The following HMCN1 variants were observed in gnomAD, a reference collection of about 807,000 sequenced individuals.
The protein encoded by HMCN1 is hemicentin-1.
In HMCN1, 321 loss-of-function variants were observed where a neutral mutation model predicts 625.9. The observed-to-expected ratio is 0.51, with a 90% confidence interval of 0.47 to 0.56. The LOEUF (loss-of-function observed/expected upper bound fraction) is 0.56, where lower values mean the gene tolerates loss of function less well. Ranked by LOEUF, HMCN1 falls within the 20% of genes least tolerant of loss-of-function variation. HMCN1 has a pLI of 0.00. For synonymous variants in HMCN1, 2,425 were observed against 2,417.6 expected, an observed-to-expected ratio of 1.00 and a Z score of -0.09; for missense variants, 6,588 against 6,887.3, an observed-to-expected ratio of 0.96 and a Z score of 1.54.
At chr1:186,177,441 C>T (rs929528686) in intron 103 of HMCN1, 3 of 152,348 alleles carry the variant, frequency 2.0e-5, no homozygotes, top group African/African-American at 7.2e-5. Flanking sequence ...AGGGGTCAGG[C>T]TGTTGGAGCA....
chr1:185,991,719 A>T (rs1011120770), intron 22 of HMCN1, among the ~76,000 whole-genome samples: 1 of 151,954 alleles, frequency 6.6e-6, no homozygotes, highest in Admixed American at 6.6e-5. Flanking sequence ...TTTTAAAAAA[A>T]AAAACAAGGC....
At chr1:185,843,787 C>CA (rs1415359660) in intron 1 of HMCN1, among the ~76,000 whole-genome samples, 2 of 152,012 alleles carry the variant, frequency 1.3e-5, no homozygotes, top group Non-Finnish European at 2.9e-5. Context: ...TTGTGGCTTG[C>CA]AAAAATGTTT....
intron 69 of HMCN1, 140 bp from the exon 70 acceptor site, chr1:186,106,744 G>T: frequency 1.4e-6 from 1 of 692,134 alleles, no homozygotes; most frequent in Non-Finnish European, 2.6e-6. Context: ...CTATCAGAGT[G>T]CTAATCGTAG....
chr1:185,808,974 T>C (rs1659342609), intron 1 of HMCN1, among the ~76,000 whole-genome samples: 1 of 152,176 alleles, frequency 6.6e-6, no homozygotes, highest in Admixed American at 6.5e-5. Context: ...TCAAGGTTAC[T>C]TTACCCACCC....
At chr1:186,113,930 C>A (rs373616928) in intron 72 of HMCN1, 49 bp from the exon 73 acceptor site, 33 of 1,597,544 alleles carry the variant, frequency 2.1e-5, no homozygotes, top group Non-Finnish European at 2.5e-5. Flanking sequence ...TTCATGCAGG[C>A]TGTATTATTT....
intron 1 of HMCN1, among the ~76,000 whole-genome samples, chr1:185,759,907 G>A (rs1037073250): frequency 3.9e-5 from 6 of 152,068 alleles, no homozygotes; most frequent in Admixed American, 2.0e-4. Context: ...AAATGATACC[G>A]AATGCACTGA....
At chr1:186,030,492 G>T (rs903857863) in intron 36 of HMCN1, among the ~76,000 whole-genome samples, 1 of 151,914 alleles carries the variant, frequency 6.6e-6, no homozygotes, top group Admixed American at 6.6e-5. Flanking sequence ...TGTGATGTTA[G>T]TATAGCCCCT....
chr1:186,087,450 A>G lies in HMCN1; in HGVS notation c.9168A>G (p.Pro3056=), dbSNP rs762440298. 6.2e-7 allele frequency: 1 copy of G among 1,613,144 alleles called. No individual in the cohort carries two copies. Among genetic ancestry groups the G allele is most frequent in the Non-Finnish European group, 8.5e-7 (1 of 1,179,404 alleles). ...KKFSLTVYVP[P]SIKDHDSESL... ...GTTATTTTCTTCCCTCAGTGCCCCC[A>G]AGCATTAAAGACCATGACAGTGAAT... The change falls in exon 60 of 107, where the codon CCA becomes CCG. Residue 3056 remains proline (P), a synonymous_variant. Transcript: ENST00000271588.
At chr1:185,915,442 C>T (rs1207202850) in intron 6 of HMCN1, among the ~76,000 whole-genome samples, 2 of 151,988 alleles carry the variant, frequency 1.3e-5, no homozygotes, top group African/African-American at 4.8e-5. Flanking sequence ...ATTGTCAGCA[C>T]CCAATGGGTT....
intron 66 of HMCN1, among the ~76,000 whole-genome samples, chr1:186,093,890 G>A (rs962371005): frequency 6.6e-6 from 1 of 151,856 alleles, no homozygotes; most frequent in Non-Finnish European, 1.5e-5. Flanking sequence ...GTGTAAAATG[G>A]TCTTTTATAG....
chr1:186,097,389 G>C (rs79412157), intron 68 of HMCN1, among the ~76,000 whole-genome samples: 1,930 of 152,078 alleles, frequency 0.013, 39 homozygotes, highest in African/African-American at 0.043. Flanking sequence ...AGGGCCAACT[G>C]TGTATCCATG....
chr1:186,108,495 G>A lies in HMCN1; in HGVS notation c.10887G>A (p.Arg3629=), dbSNP rs573100717. Residue 3629 remains arginine, a synonymous_variant, in exon 71 of 107, where the codon CGG becomes CGA. Transcript: ENST00000271588. Reference sequence around the variant, plus strand: ...ATATTGCTGGAACTGATGAGCCCCGGGATATCACTGTGTTACGGAACAGAC... The same window carrying A: ...ATATTGCTGGAACTGATGAGCCCCGAGATATCACTGTGTTACGGAACAGAC... ...PPNIAGTDEP[R]DITVLRNRQV... 2.5e-6 allele frequency: 4 copies of A among 1,614,084 alleles called. No homozygotes were observed. In the Admixed American group the frequency reaches 6.7e-5, roughly 27 times the overall value.
intron 1 of HMCN1, among the ~76,000 whole-genome samples, chr1:185,769,808 C>T (rs1309908103): frequency 2.6e-5 from 4 of 152,162 alleles, no homozygotes; most frequent in Non-Finnish European, 5.9e-5. Context: ...GCTGGGATTA[C>T]TTACTCCATT....
In HMCN1 at chr1:186,057,301, A is replaced by T. The variant is rs368757349; in HGVS notation, c.7212A>T (p.Val2404=). Residue 2404 remains valine (V), a synonymous_variant, in exon 46 of 107, where the codon GTA becomes GTT. Coordinates refer to ENST00000271588, the MANE Select transcript of HMCN1 (RefSeq NM_031935.3). ...ENISVVEKNS[V]SLTCEASGIP... Reference sequence around the variant, plus strand: ...TTAGTGTGGTAGAAAAGAACTCAGTATCTTTGACTTGTGAAGCTTCTGGAA... The same window carrying T: ...TTAGTGTGGTAGAAAAGAACTCAGTTTCTTTGACTTGTGAAGCTTCTGGAA... The T allele has an allele frequency of 1.2e-6, 2 of 1,610,632 alleles. No homozygotes were observed. The highest frequency in any genetic ancestry group is 4.5e-5 in the East Asian group (2 of 44,792).
rs1661054940 is a variant in HMCN1, at chr1:186,114,882, G to A, written c.11340G>A (p.Arg3780=). ...CAGCACATGTCACTGACACTGGACG[G>A]TATTTGTGTATGGCCACCAATGCTG... ...IQSAHVTDTG[R]YLCMATNAAG... Residue 3780 remains arginine, a synonymous_variant, in exon 74 of 107, where the codon CGG becomes CGA. Coordinates refer to ENST00000271588, the MANE Select transcript of HMCN1 (RefSeq NM_031935.3). The A allele has an allele frequency of 1.2e-6, 2 of 1,614,094 alleles. No individual in the cohort carries two copies. Among genetic ancestry groups the A allele is most frequent in the East Asian group, 4.5e-5 (2 of 44,878 alleles).
At chr1:186,135,530 G>A (rs147399271) in intron 86 of HMCN1, among the ~76,000 whole-genome samples, 176 of 152,170 alleles carry the variant, frequency 1.2e-3, no homozygotes, top group African/African-American at 3.9e-3. Flanking sequence ...TGTAGACATC[G>A]CTATATGAAT....
chr1:186,111,464 C>T (rs1268740421), intron 71 of HMCN1, among the ~76,000 whole-genome samples: 1 of 151,978 alleles, frequency 6.6e-6, no homozygotes, highest in African/African-American at 2.4e-5. Flanking sequence ...GCCTGGGCAA[C>T]AGAGCAAGAC....
intron 23 of HMCN1, among the ~76,000 whole-genome samples, chr1:185,994,205 T>G (rs1652629715): frequency 1.3e-5 from 2 of 152,132 alleles, no homozygotes; most frequent in Non-Finnish European, 2.9e-5. Context: ...GATTCTACAG[T>G]GCACAATGCA....
chr1:185,775,089 G>T (rs949665524), intron 1 of HMCN1, among the ~76,000 whole-genome samples: 19 of 152,158 alleles, frequency 1.2e-4, no homozygotes, highest in South Asian at 2.1e-4. Context: ...GATGCTAAGG[G>T]CAGAGTGGAT....
Sources: gnomAD v4.1 joint callset for allele counts (sites outside exome capture counted in the v4.1 genomes callset) on GRCh38, gnomAD v4.1.1 for gene constraint, MANE v1.5 for transcripts, NCBI Gene and HGNC (gene_info 2026-07-23, HGNC 2026-07-21) for gene names.